Variants in CACNB2 observed in about 807,000 individuals in gnomAD.
CACNB2 encodes calcium voltage-gated channel auxiliary subunit beta 2.
In CACNB2, 42 loss-of-function variants were observed where a neutral mutation model predicts 73.3. The observed-to-expected ratio is 0.57, with a 90% CI of 0.45 to 0.74. The LOEUF (loss-of-function observed/expected upper bound fraction) is 0.74. Ranked by LOEUF, CACNB2 falls within the 30% of genes least tolerant of loss-of-function variation. The pLI, the probability that CACNB2 is intolerant of heterozygous loss-of-function variation, is 0.00. For missense variants in CACNB2, 940 were observed against 853.0 expected (o/e 1.10, Z -1.27); for synonymous variants, 348 against 310.3 (o/e 1.12, Z -1.28).
At position 18,407,538 on chromosome 10, in the gene CACNB2, G is replaced by T. The variant is rs2044364278; in HGVS notation, c.333+5495G>T. Reference sequence around the variant, plus strand: ...GACATGCCTTGGTGTGCACCTTTTTGTTTATTGTACTTGGCTTCTCATGCA... The same window carrying T: ...GACATGCCTTGGTGTGCACCTTTTTTTTTATTGTACTTGGCTTCTCATGCA... On this transcript the variant is annotated intron_variant, in intron 3 of 13. Transcript: ENST00000324631. Among the ~76,000 whole-genome samples the T allele has an allele frequency of 2.6e-5, 4 of 151,966 alleles. No homozygotes were observed. The South Asian group carries it at 8.3e-4, about 32-fold the overall frequency.
At chr10:18,364,370 G>C (rs956875817) in intron 2 of CACNB2, among the ~76,000 whole-genome samples, 2 of 150,510 alleles carry the variant, frequency 1.3e-5, no homozygotes, top group Non-Finnish European at 3.0e-5. Context: ...GCAAGATCTC[G>C]GCTCATTGTA....
intron 2 of CACNB2, among the ~76,000 whole-genome samples, chr10:18,184,837 G>T (rs1261269149): frequency 6.6e-6 from 1 of 151,964 alleles, no homozygotes; most frequent in Non-Finnish European, 1.5e-5. Context: ...TCGGTATTAA[G>T]CCCAGCATGC....
intron 2 of CACNB2, among the ~76,000 whole-genome samples, chr10:18,331,230 C>T (rs1469120864): frequency 6.6e-6 from 1 of 151,844 alleles, no homozygotes; most frequent in Non-Finnish European, 1.5e-5. Flanking sequence ...GTGATCTGCC[C>T]TTCTAAGCCT....
At chr10:18,365,605 A>G (rs1448647471) in intron 2 of CACNB2, among the ~76,000 whole-genome samples, 1 of 151,400 alleles carries the variant, frequency 6.6e-6, no homozygotes, top group African/African-American at 2.4e-5. Context: ...TCCTTGTACT[A>G]CAAGGATGTT....
intron 2 of CACNB2, among the ~76,000 whole-genome samples, chr10:18,227,385 G>C (rs1372466666): frequency 2.0e-5 from 3 of 151,934 alleles, no homozygotes; most frequent in Non-Finnish European, 2.9e-5. Flanking sequence ...ATGTCAGAGG[G>C]TATGCAGTCA....
At position 18,173,068 on chromosome 10, in the gene CACNB2, G is replaced by GCACAA. The variant is rs550258954; in HGVS notation, c.213+22095_213+22099dup. On this transcript the variant is annotated intron_variant, in intron 2 of 13. Coordinates refer to ENST00000324631, the MANE Select transcript of CACNB2 (RefSeq NM_201596.3). ...ACCGAGTAGCTGGGATTACAGGAGT[G>GCACAA]CACAACCATGACTGGCTAATTTTGT... Among the ~76,000 whole-genome samples the GCACAA allele has an allele frequency of 3.0e-3, 454 of 152,118 alleles. 1 individual carries two copies. Among genetic ancestry groups the GCACAA allele is most frequent in the Non-Finnish European group, 3.8e-3 (259 of 67,978 alleles).
intron 2 of CACNB2, among the ~76,000 whole-genome samples, chr10:18,191,646 G>T (rs2034401170): frequency 6.6e-6 from 1 of 152,094 alleles, no homozygotes; most frequent in Non-Finnish European, 1.5e-5. Flanking sequence ...ATGCCTTTTT[G>T]TCCTCATAGC....
At chr10:18,321,739 T>C (rs969810780) in intron 2 of CACNB2, among the ~76,000 whole-genome samples, 2 of 152,150 alleles carry the variant, frequency 1.3e-5, no homozygotes, top group African/African-American at 4.8e-5. Flanking sequence ...CTCACTAGTG[T>C]GGATATGTGA....
At chr10:18,452,998 A>G (rs1178717102) in intron 3 of CACNB2, among the ~76,000 whole-genome samples, 6 of 152,226 alleles carry the variant, frequency 3.9e-5, no homozygotes. Flanking sequence ...GCATCCATGC[A>G]GTTGCTCAAG....
intron 9 of CACNB2, among the ~76,000 whole-genome samples, 192 bp from the exon 10 acceptor site, chr10:18,527,396 G>T (rs1459428590): frequency 6.6e-6 from 1 of 151,868 alleles, no homozygotes; most frequent in Admixed American, 6.6e-5. Context: ...AAAAAACAAA[G>T]TAAGGCAGGT....
intron 3 of CACNB2, among the ~76,000 whole-genome samples, chr10:18,478,879 T>G (rs1248504494): frequency 1.3e-5 from 2 of 152,172 alleles, no homozygotes. Context: ...CCTGGGCAGA[T>G]ACAGCCTTTG....
chr10:18,479,244 T>C (rs1459615280), intron 3 of CACNB2, among the ~76,000 whole-genome samples: 6 of 152,166 alleles, frequency 3.9e-5, no homozygotes, highest in Admixed American at 3.3e-4. Flanking sequence ...TATATATCTT[T>C]TTATGTGTCT....
chr10:18,214,697 G>A (rs2035444907), intron 2 of CACNB2, among the ~76,000 whole-genome samples: 1 of 151,792 alleles, frequency 6.6e-6, no homozygotes. Context: ...CGGGGAGGTT[G>A]CCTACCATTG....
At chr10:18,199,318 T>C (rs1309285416) in intron 2 of CACNB2, among the ~76,000 whole-genome samples, 1 of 152,110 alleles carries the variant, frequency 6.6e-6, no homozygotes, top group Non-Finnish European at 1.5e-5. Context: ...ATAAACAAAT[T>C]AATATTTAAT....
intron 2 of CACNB2, among the ~76,000 whole-genome samples, chr10:18,319,881 A>G (rs2040333805): frequency 6.6e-6 from 1 of 152,126 alleles, no homozygotes; most frequent in African/African-American, 2.4e-5. Context: ...AAAGGCCCTG[A>G]GGAAGAGTGA....
At chr10:18,410,848 TG>T (rs1343763648) in intron 3 of CACNB2, among the ~76,000 whole-genome samples, 4 of 152,052 alleles carry the variant, frequency 2.6e-5, no homozygotes, top group Admixed American at 6.6e-5. Context: ...GGCATGGTTG[TG>T]GGCACCTGTA....
intron 2 of CACNB2, among the ~76,000 whole-genome samples, chr10:18,382,789 T>C (rs150738818): frequency 0.014 from 2,198 of 152,306 alleles, 83 homozygotes; most frequent in Admixed American, 0.073. Context: ...CAGTCCATCA[T>C]TGATGGACAT....
intron 3 of CACNB2, among the ~76,000 whole-genome samples, chr10:18,438,136 G>A (rs2046235117): frequency 2.2e-5 from 3 of 139,202 alleles, no homozygotes; most frequent in Non-Finnish European, 4.6e-5. Flanking sequence ...TCCTGCCTCA[G>A]CCTCCTGAGT....
intron 3 of CACNB2, among the ~76,000 whole-genome samples, chr10:18,492,627 AAAAAAAAAAAAG>A (rs1401173907): frequency 1.4e-5 from 2 of 142,142 alleles, no homozygotes; most frequent in African/African-American, 5.9e-5. Context: ...TCTCAAAAAA[AAAAAAAAAAAAG>A]AAAAAAAGAA....
Sources: gnomAD v4.1 joint callset for allele counts (sites outside exome capture counted in the v4.1 genomes callset) on GRCh38, gnomAD v4.1.1 for gene constraint, MANE v1.5 for transcripts, NCBI Gene and HGNC (gene_info 2026-07-23, HGNC 2026-07-21) for gene names.